The following DPY19L1 variants were observed in gnomAD, a reference collection of about 807,000 sequenced individuals.
DPY19L1 encodes protein C-mannosyl-transferase DPY19L1.
DPY19L1 carries 35 observed loss-of-function variants against 96.9 expected under a neutral mutation model. The observed-to-expected ratio is 0.36, with a 90% CI of 0.28 to 0.48. DPY19L1 has a LOEUF of 0.48. Ranked by LOEUF, DPY19L1 falls within the 20% of genes least tolerant of loss-of-function variation. The pLI is 0.99. For missense variants in DPY19L1, 521 were observed against 777.9 expected, an observed-to-expected ratio of 0.67 and a Z score of 3.93; for synonymous variants, 205 against 252.6, an observed-to-expected ratio of 0.81 and a Z score of 1.79.
chr7:34,980,545 G>A (rs1483081869), intron 7 of DPY19L1, among the ~76,000 whole-genome samples: 2 of 152,052 alleles, frequency 1.3e-5, no homozygotes, highest in Admixed American at 1.3e-4. Context: ...GGTACTTGTA[G>A]AACATATATT....
At chr7:34,955,185 A>C in intron 12 of DPY19L1, 123 bp downstream of exon 12, 2 of 1,210,138 alleles carry the variant, frequency 1.7e-6, no homozygotes, top group South Asian at 2.9e-5. Flanking sequence ...CTGAGCCCTA[A>C]AATACTATAA....
At chr7:34,998,108 C>T (rs979054344) in intron 6 of DPY19L1, among the ~76,000 whole-genome samples, 4 of 152,172 alleles carry the variant, frequency 2.6e-5, no homozygotes, top group African/African-American at 9.7e-5. Flanking sequence ...CCACTCTGAA[C>T]CTCCAATGAC....
intron 6 of DPY19L1, among the ~76,000 whole-genome samples, chr7:35,006,474 C>T (rs144637050): frequency 6.6e-6 from 1 of 152,158 alleles, no homozygotes; most frequent in African/African-American, 2.4e-5. Flanking sequence ...GTCCAACAAC[C>T]AATGCTCCTT....
intron 17 of DPY19L1, among the ~76,000 whole-genome samples, 182 bp from the exon 18 acceptor site, chr7:34,942,066 A>G (rs117878428): frequency 0.014 from 2,090 of 152,360 alleles, 94 homozygotes; most frequent in East Asian, 0.083. Context: ...GTGGAAGGCT[A>G]AAATTATAAA....
At chr7:34,981,828 G>A (rs957233145) in intron 7 of DPY19L1, among the ~76,000 whole-genome samples, 10 of 152,122 alleles carry the variant, frequency 6.6e-5, no homozygotes, top group African/African-American at 2.2e-4. Context: ...GCACACACCT[G>A]TAATCCCAGC....
intron 6 of DPY19L1, among the ~76,000 whole-genome samples, chr7:35,009,707 A>G (rs1314625583): frequency 6.6e-6 from 1 of 152,162 alleles, no homozygotes; most frequent in African/African-American, 2.4e-5. Flanking sequence ...CCATCTAGAA[A>G]GACCCAAATG....
intron 21 of DPY19L1, among the ~76,000 whole-genome samples, chr7:34,936,887 TTGA>T: frequency 6.6e-6 from 1 of 152,228 alleles, no homozygotes; most frequent in Admixed American, 6.5e-5. Flanking sequence ...ATATGTGTCA[TTGA>T]AATATATGGT....
chr7:34,978,285 A>C (rs1012161791), intron 7 of DPY19L1, among the ~76,000 whole-genome samples: 2 of 152,160 alleles, frequency 1.3e-5, no homozygotes, highest in African/African-American at 4.8e-5. Context: ...ACTTGTTACT[A>C]TAATGTTTAG....
intron 1 of DPY19L1, among the ~76,000 whole-genome samples, chr7:35,034,259 A>T (rs1035742863): frequency 6.6e-6 from 1 of 152,292 alleles, no homozygotes; most frequent in Middle Eastern, 3.4e-3. Flanking sequence ...TACTACCACA[A>T]TTGTTTCCAT....
chr7:34,981,892 G>C (rs186336753), intron 7 of DPY19L1, among the ~76,000 whole-genome samples: 1 of 152,302 alleles, frequency 6.6e-6, no homozygotes, highest in South Asian at 2.1e-4. Flanking sequence ...AGAGGCTACA[G>C]TGAGCCAAAA....
chr7:34,932,179 A>AATCAAAGCAT (rs1192334030), intron 21 of DPY19L1, among the ~76,000 whole-genome samples: 9 of 152,218 alleles, frequency 5.9e-5, no homozygotes, highest in Non-Finnish European at 1.2e-4. Context: ...TGATTTAAAA[A>AATCAAAGCAT]ATTATAATGA....
intron 1 of DPY19L1, among the ~76,000 whole-genome samples, chr7:35,022,751 A>G (rs774495607): frequency 2.6e-5 from 4 of 151,898 alleles, no homozygotes; most frequent in Non-Finnish European, 5.9e-5. Context: ...AATAACCTCA[A>G]TTGAATATAT....
chr7:34,971,177 G>C (rs927912469), intron 8 of DPY19L1, among the ~76,000 whole-genome samples: 4 of 152,138 alleles, frequency 2.6e-5, no homozygotes, highest in African/African-American at 9.7e-5. Flanking sequence ...GGAAATGGCT[G>C]CTCTTCCAAA....
At chr7:34,989,558 G>C (rs1785119887) in intron 7 of DPY19L1, among the ~76,000 whole-genome samples, 1 of 151,748 alleles carries the variant, frequency 6.6e-6, no homozygotes, top group Non-Finnish European at 1.5e-5. Flanking sequence ...AGAATTTGAG[G>C]CTGCAGTGAG....
At position 34,931,373 on chromosome 7, in the gene DPY19L1, G is replaced by A. The variant is rs1340084350; in HGVS notation, c.*200C>T. On this transcript the variant is annotated 3_prime_UTR_variant, in exon 22 of 22. Transcript: ENST00000638088. ...TCATTTGCATAGCAAATTTTAAAGG[G>A]TGCATTGAAATAGTAACCAATTGAT... 7 of 630,282 alleles carry A rather than the reference G, an allele frequency of 1.1e-5. No homozygotes were observed. Among genetic ancestry groups the A allele is most frequent in the Non-Finnish European group, 9.5e-6 (4 of 419,566 alleles). The allele number at this position is 630,282 out of a possible 1,614,324, so 39.0% of individuals were successfully genotyped here.
chr7:34,992,830 C>T (rs1785202540), intron 6 of DPY19L1, among the ~76,000 whole-genome samples: 1 of 152,068 alleles, frequency 6.6e-6, no homozygotes, highest in Admixed American at 6.6e-5. Flanking sequence ...TAACTGTACC[C>T]TTCCCCAAAA....
At chr7:34,956,869 G>A (rs1204862999) in intron 11 of DPY19L1, among the ~76,000 whole-genome samples, 1 of 152,096 alleles carries the variant, frequency 6.6e-6, no homozygotes, top group South Asian at 2.1e-4. Flanking sequence ...AAATGTAATG[G>A]GTTCTAGAAA....
intron 1 of DPY19L1, among the ~76,000 whole-genome samples, chr7:35,026,635 A>G (rs1371625274): frequency 6.6e-6 from 1 of 152,208 alleles, no homozygotes; most frequent in Non-Finnish European, 1.5e-5. Context: ...AGAAGAATAT[A>G]GTAACAATCC....
At chr7:34,956,161 C>T (rs188241559) in intron 11 of DPY19L1, among the ~76,000 whole-genome samples, 85 of 152,290 alleles carry the variant, frequency 5.6e-4, no homozygotes, top group African/African-American at 2.0e-3. Flanking sequence ...AAATTTCCTA[C>T]AAAATGTACT....
Sources: gnomAD v4.1 joint callset for allele counts (sites outside exome capture counted in the v4.1 genomes callset) on GRCh38, gnomAD v4.1.1 for gene constraint, MANE v1.5 for transcripts, NCBI Gene and HGNC (gene_info 2026-07-23, HGNC 2026-07-21) for gene names.